Variants in TET2 observed in about 807,000 individuals in gnomAD.
TET2 encodes methylcytosine dioxygenase TET2.
A neutral mutation model predicts 142.9 loss-of-function variants in TET2; 299 were observed. The ratio of observed to expected loss-of-function variants is 2.09; its 90% CI spans 1.90 to 2.30. The LOEUF is 2.30. Among genes scored for constraint, TET2 ranks in the 30% most tolerant of loss-of-function variants. The pLI is 0.00. For missense variants in TET2, 2,418 were observed against 2,378.0 expected, an observed-to-expected ratio of 1.02 and a Z score of -0.35; for synonymous variants, 819 against 849.0, an observed-to-expected ratio of 0.96 and a Z score of 0.61.
rs185223849 is a variant in TET2, at chr4:105,275,810, G to A, written c.5300G>A (p.Ser1767Asn). 1.3e-6 allele frequency: 2 copies of A among 1,551,662 alleles called. No homozygotes were observed. The highest frequency in any genetic ancestry group is 1.4e-5 in the African/African-American group (1 of 73,122). ...CCTTCTCACATAATCCATAACTACAGTGCAGCTCCGGGCATGTTCAACAGC... is the reference window on the plus strand; with the variant it reads ...CCTTCTCACATAATCCATAACTACAATGCAGCTCCGGGCATGTTCAACAGC... The part of the protein sequence containing the change: ...HSPSHIIHNY[S>N]AAPGMFNSSL... The change falls in exon 11 of 11, where the codon AGT becomes AAT. Residue 1767 changes from serine (S) to asparagine (N), a missense_variant. By Grantham distance (46) the Ser-to-Asn change is conservative. Transcript: ENST00000380013.
rs116293016 is a variant in TET2 at position 105,207,720 on chromosome 4, C to T, written c.-47+17215C>T. Among the ~76,000 whole-genome samples the T allele has an allele frequency of 2.2e-3, 334 of 152,256 alleles. 1 individual carries two copies. Among genetic ancestry groups the T allele is most frequent in the African/African-American group, 7.7e-3 (322 of 41,556 alleles). On this transcript the variant is annotated intron_variant, in intron 2 of 10. Transcript: ENST00000380013. Reference sequence around the variant, plus strand: ...GCATTAGCAGAACAAATAAAGTTCACAGCTCTAGGAACCAAATTTAACTTT... The same window carrying T: ...GCATTAGCAGAACAAATAAAGTTCATAGCTCTAGGAACCAAATTTAACTTT...
intron 3 of TET2, chr4:105,238,907 A>G: frequency 4.2e-6 from 1 of 240,448 alleles, no homozygotes; most frequent in South Asian, 1.8e-4. Flanking sequence ...TTCTTAAATG[A>G]TAAGACTTGA....
upstream of TET2, chr4:105,146,810 C>G (rs1193440214): frequency 1.3e-5 from 2 of 152,148 alleles, no homozygotes. Flanking sequence ...ACGCCGGCCC[C>G]GCTGAGTGAT....
chr4:105,265,203 T>C (rs1730627889), intron 8 of TET2, among the ~76,000 whole-genome samples: 1 of 152,194 alleles, frequency 6.6e-6, no homozygotes, highest in African/African-American at 2.4e-5. Flanking sequence ...ATTCTCTATT[T>C]ATGCTGTTCA....
At position 105,275,212 on chromosome 4, in the gene TET2, C is replaced by A. The variant is rs1731146570; in HGVS notation, c.4702C>A (p.Pro1568Thr). Residue 1568 changes from proline to threonine, a missense_variant, in exon 11 of 11, where the codon CCA becomes ACA. Coordinates refer to ENST00000380013, the MANE Select transcript of TET2 (RefSeq NM_001127208.3). ...TTATTCTGCTTCTGGATCCACCAATCCATACATGAGACGGCCCAATCCAGT... is the reference window on the plus strand; with the variant it reads ...TTATTCTGCTTCTGGATCCACCAATACATACATGAGACGGCCCAATCCAGT... ...NSYSASGSTNPYMRRPNPVSP... is the reference protein window; with the variant it reads ...NSYSASGSTNTYMRRPNPVSP... The A allele has an allele frequency of 2.6e-6, 4 of 1,552,340 alleles. No homozygotes were observed. Among genetic ancestry groups the A allele is most frequent in the Non-Finnish European group, 3.5e-6 (4 of 1,147,130 alleles).
Position 105,275,907 on chromosome 4 carries a change from G to C in TET2, c.5397G>C (p.Lys1799Asn), listed in dbSNP as rs1278889871. ...MLSHTANGLS[K>N]MLPALNHDRT... ...CCCACACAGCTAATGGGTTATCAAAGATGCTTCCAGCTCTTAACCATGATA... is the reference window on the plus strand; with the variant it reads ...CCCACACAGCTAATGGGTTATCAAACATGCTTCCAGCTCTTAACCATGATA... The change falls in exon 11 of 11, where the codon AAG (lysine) becomes AAC (asparagine). Residue 1799 changes from lysine to asparagine, a missense_variant. Coordinates refer to ENST00000380013, the MANE Select transcript of TET2 (RefSeq NM_001127208.3). 6.4e-7 allele frequency: 1 copy of C among 1,552,042 alleles called. No individual in the cohort carries two copies.
chr4:105,194,247 T>G (rs989779733), intron 2 of TET2, among the ~76,000 whole-genome samples: 2 of 152,130 alleles, frequency 1.3e-5, no homozygotes, highest in Non-Finnish European at 2.9e-5. Flanking sequence ...AACATACACA[T>G]TTTACCCTTT....
rs1215236521 is a variant in TET2, at chr4:105,236,863, A to G, written c.2921A>G (p.His974Arg). 6 of 1,614,044 alleles carry G rather than the reference A, an allele frequency of 3.7e-6. No individual in the cohort carries two copies. Among genetic ancestry groups the G allele is most frequent in the South Asian group, 1.1e-5 (1 of 91,088 alleles). Residue 974 changes from histidine to arginine, a missense_variant, in exon 3 of 11, where the codon CAT becomes CGT. Physicochemically the swap from His to Arg is conservative, Grantham distance 29. Transcript: ENST00000380013. Reference protein sequence around the residue: ...QTQQPQTESCHSQMHRPIKVE... With the variant: ...QTQQPQTESCRSQMHRPIKVE... ...CAGCAACCCCAAACTGAGTCTTGCC[A>G]TAGTCAGATGCACAGGCCAATTAAG...
chr4:105,189,812 C>G (rs548195765), intron 1 of TET2, among the ~76,000 whole-genome samples: 1 of 152,304 alleles, frequency 6.6e-6, no homozygotes, highest in South Asian at 2.1e-4. Context: ...TAATGTTTTA[C>G]CTTTTCCATA....
At chr4:105,219,081 G>C (rs1043781897) in intron 2 of TET2, among the ~76,000 whole-genome samples, 1 of 151,876 alleles carries the variant, frequency 6.6e-6, no homozygotes, top group East Asian at 1.9e-4. Flanking sequence ...TGGTTATTTT[G>C]TTTATGTTAT....
chr4:105,234,746 G>C lies in TET2; in HGVS notation c.804G>C (p.Ser268=), dbSNP rs374509999. Residue 268 remains serine, a synonymous_variant, in exon 3 of 11, where the codon TCG becomes TCC. Coordinates refer to ENST00000380013, the MANE Select transcript of TET2 (RefSeq NM_001127208.3). ...NELSCEITHP[S]HTSGQINSAQ... is the part of the protein sequence containing the mutation. ...TGTCCTGTGAGATCACTCACCCATC[G>C]CATACCTCAGGGCAGATCAATTCCG... 539 of 1,613,708 alleles carry C rather than the reference G, an allele frequency of 3.3e-4. No homozygotes were observed. Among genetic ancestry groups the C allele is most frequent in the Non-Finnish European group, 4.1e-4 (478 of 1,179,940 alleles).
intron 6 of TET2, among the ~76,000 whole-genome samples, chr4:105,257,579 C>T (rs1338106640): frequency 6.6e-6 from 1 of 152,038 alleles, no homozygotes; most frequent in African/African-American, 2.4e-5. Flanking sequence ...CTGGATTAGC[C>T]TTTATTCCCT....
In TET2 at chr4:105,166,621, A is replaced by G. The variant is rs556388910; in HGVS notation, c.-193+19642A>G. Among the ~76,000 whole-genome samples, 10 of 146,118 alleles carry G rather than the reference A, an allele frequency of 6.8e-5. 1 individual carries two copies. The South Asian group carries it at 1.9e-3, about 28-fold the overall frequency. ...TTTTTCTTCTTACAGAAAAAAAAAG[A>G]AAAAAAAACAGGGGTTTTTACAAAT... On this transcript the variant is annotated intron_variant, in intron 1 of 10. Transcript: ENST00000380013.
At chr4:105,168,513 A>G (rs1216409789) in intron 1 of TET2, among the ~76,000 whole-genome samples, 1 of 152,012 alleles carries the variant, frequency 6.6e-6, no homozygotes. Context: ...TCAGAGATAA[A>G]TTCCCTAACC....
chr4:105,259,873 A>G (rs1281062343), intron 7 of TET2, 104 bp downstream of exon 7: 3 of 1,180,476 alleles, frequency 2.5e-6, no homozygotes, highest in Non-Finnish European at 3.4e-6. Flanking sequence ...CTTATTAATC[A>G]AAGTTTTTCC....
In TET2 at chr4:105,278,171, CATATATATATAT is replaced by C. The variant is rs61328453; in HGVS notation, c.*1673_*1684del. 7.9e-5 allele frequency: 9 copies of C among 114,110 alleles called. No individual in the cohort carries two copies. Among genetic ancestry groups the C allele is most frequent in the South Asian group, 2.8e-4 (1 of 3,564 alleles). 7.1% of individuals were successfully genotyped at this position (114,110 alleles called of 1,614,324 possible). On this transcript the variant is annotated 3_prime_UTR_variant, in exon 11 of 11. Transcript: ENST00000380013. ...GTACTGTAAAAAAATTAAATATATACATATATATATATATATATATATATATATATATGAGTT... is the reference window on the plus strand; with the variant it reads ...GTACTGTAAAAAAATTAAATATATACATATATATATATATATATATGAGTT...
At chr4:105,167,361 CGTATATGTGTACACATATACATATGCGT>C (rs1023431723) in intron 1 of TET2, among the ~76,000 whole-genome samples, 7 of 151,588 alleles carry the variant, frequency 4.6e-5, no homozygotes, top group African/African-American at 7.3e-5. Flanking sequence ...AAGAAAAGTG[CGTATATGTGTACACATATACATATGCGT>C]GTATATGTGT....
chr4:105,234,599 A>G lies in TET2; in HGVS notation c.657A>G (p.Glu219=), dbSNP rs1560541265. 2 of 1,614,124 alleles carry G rather than the reference A, an allele frequency of 1.2e-6. No individual in the cohort carries two copies. ...NGATVSASSV[E]HTHGELLEKT... ...CTACAGTTTCTGCCTCTTCCGTGGA[A>G]CACACACATGGTGAACTCCTGGAAA... is the stretch of plus-strand genomic sequence containing the variant. Residue 219 remains glutamate, a synonymous_variant, in exon 3 of 11, where the codon GAA becomes GAG. Transcript: ENST00000380013.
At chr4:105,151,046 G>A (rs113130496) in intron 1 of TET2, among the ~76,000 whole-genome samples, 2,110 of 152,226 alleles carry the variant, frequency 0.014, 31 homozygotes, top group Middle Eastern at 0.054. Context: ...TTGGATGGGC[G>A]TGGTGACTCA....
Sources: gnomAD v4.1 joint callset for allele counts (sites outside exome capture counted in the v4.1 genomes callset) on GRCh38, gnomAD v4.1.1 for gene constraint, MANE v1.5 for transcripts, NCBI Gene and HGNC (gene_info 2026-07-23, HGNC 2026-07-21) for gene names.